BMP8A: variants seen among roughly 807,000 people sequenced by gnomAD.
BMP8A encodes the protein BMP-8A.
Under a neutral mutation model 36.8 loss-of-function variants are expected in BMP8A, and 14 were observed. The ratio of observed to expected loss-of-function variants is 0.38; its 90% CI spans 0.25 to 0.60. The LOEUF is 0.60. Ranked by LOEUF, BMP8A falls within the 20% of genes least tolerant of loss-of-function variation. BMP8A has a pLI of 0.63. For synonymous variants in BMP8A, 120 were observed against 237.7 expected (o/e 0.50, Z 4.55); for missense variants, 267 against 551.1 (o/e 0.48, Z 5.16).
intron 6 of BMP8A, chr1:39,523,420 A>G (rs1645450271): frequency 8.1e-6 from 9 of 1,106,678 alleles, no homozygotes; most frequent in Non-Finnish European, 8.6e-6. Flanking sequence ...TGCGGCGCTC[A>G]GAGGCACAGC....
intron 1 of BMP8A, among the ~76,000 whole-genome samples, chr1:39,501,218 G>T (rs1488836432): frequency 1.3e-5 from 2 of 152,136 alleles, no homozygotes; most frequent in Non-Finnish European, 1.5e-5. Flanking sequence ...TCTGTGAGTG[G>T]TTCATCCCCA....
intron 1 of BMP8A, among the ~76,000 whole-genome samples, chr1:39,507,772 C>T (rs1369681839): frequency 6.6e-6 from 1 of 152,182 alleles, no homozygotes; most frequent in Non-Finnish European, 1.5e-5. Flanking sequence ...TAACCAAGTA[C>T]TGACTACCGT....
rs1432122869 is a variant in BMP8A, at chr1:39,492,054, C to T, written c.63C>T (p.Gly21=). 8 of 1,099,878 alleles carry T rather than the reference C, an allele frequency of 7.3e-6. No homozygotes were observed. The highest frequency in any genetic ancestry group is 1.0e-4 in the Admixed American group (2 of 19,372). The allele number at this position is 1,099,878 out of a possible 1,614,324, so 68.1% of individuals were successfully genotyped here. A position where few individuals can be genotyped will look rare whatever the true frequency, so the allele number is the denominator to read the frequency against. ...LGLTLCALGG[G]GPGLRPPPGC... ...TGACGTTGTGCGCGCTGGGCGGGGG[C>T]GGCCCCGGCCTGCGACCCCCGCCCG... The change falls in exon 1 of 7, where the codon GGC becomes GGT. Residue 21 remains glycine, a synonymous_variant. Coordinates refer to ENST00000331593, the MANE Select transcript of BMP8A (RefSeq NM_181809.4).
intron 1 of BMP8A, among the ~76,000 whole-genome samples, chr1:39,506,233 G>A (rs552853033): frequency 6.6e-6 from 1 of 151,556 alleles, no homozygotes; most frequent in Non-Finnish European, 1.5e-5. Flanking sequence ...TTTTTGAAAC[G>A]GAGTCTCACT....
chr1:39,499,674 A>G (rs539775447), intron 1 of BMP8A, among the ~76,000 whole-genome samples: 13 of 152,312 alleles, frequency 8.5e-5, no homozygotes, highest in Admixed American at 7.2e-4. Context: ...AGGTTGCCTT[A>G]TCCGAGGCTG....
chr1:39,514,902 C>A, intron 3 of BMP8A: 1 of 1,423,432 alleles, frequency 7.0e-7, no homozygotes, highest in Admixed American at 3.2e-5. Context: ...ACGCGCGGCC[C>A]GAGGCGCACG....
At chr1:39,498,416 T>C (rs944468619) in intron 1 of BMP8A, among the ~76,000 whole-genome samples, 2 of 152,254 alleles carry the variant, frequency 1.3e-5, no homozygotes, top group Non-Finnish European at 1.5e-5. Flanking sequence ...CTGGGATCTA[T>C]TCTTGGCCTT....
intron 1 of BMP8A, among the ~76,000 whole-genome samples, chr1:39,509,808 T>C (rs58579331): frequency 0.047 from 7,123 of 151,932 alleles, 534 homozygotes; most frequent in African/African-American, 0.16. Flanking sequence ...AATCTCAGTG[T>C]TGGGTTTTGG....
chr1:39,523,024 C>G lies in BMP8A; in HGVS notation c.966C>G (p.Pro322=), dbSNP rs771412994. 1.9e-5 allele frequency: 31 copies of G among 1,612,328 alleles called. No individual in the cohort carries two copies. Among genetic ancestry groups the G allele is most frequent in the South Asian group, 7.7e-5 (7 of 90,910 alleles). Residue 322 remains proline (P), a synonymous_variant, in exon 6 of 7, where the codon CCC becomes CCG. Coordinates refer to ENST00000331593, the MANE Select transcript of BMP8A (RefSeq NM_181809.4). The part of the protein sequence containing the change: ...DLGWLDWVIA[P]QGYSAYYCEG... Reference sequence around the variant, plus strand: ...CCCCCCAGGACTGGGTCATCGCCCCCCAAGGCTACTCAGCCTATTACTGTG... The same window carrying G: ...CCCCCCAGGACTGGGTCATCGCCCCGCAAGGCTACTCAGCCTATTACTGTG...
chr1:39,494,299 T>C (rs1645186119), intron 1 of BMP8A, among the ~76,000 whole-genome samples: 1 of 152,102 alleles, frequency 6.6e-6, no homozygotes, highest in Non-Finnish European at 1.5e-5. Context: ...ATGTGAACTT[T>C]TTCTTTTCTT....
chr1:39,504,350 G>A (rs1645280158), intron 1 of BMP8A, among the ~76,000 whole-genome samples: 1 of 152,252 alleles, frequency 6.6e-6, no homozygotes, highest in African/African-American at 2.4e-5. Flanking sequence ...CGAGGGGGAT[G>A]TGGCAGGACT....
At position 39,523,126 on chromosome 1, in the gene BMP8A, C is replaced by T. The variant is rs776386239; in HGVS notation, c.1059+9C>T. 5.0e-6 allele frequency: 8 copies of T among 1,612,998 alleles called. No homozygotes were observed. The African/African-American group carries it at 5.3e-5, about 11-fold the overall frequency. ...CCATCCTGCAGTCCCTGGTCAGTAC[C>T]GTGCCCATCCTGCCCAGCCCCCTGG... On this transcript the variant is annotated intron_variant, in intron 6 of 6. Transcript: ENST00000331593.
chr1:39,496,004 C>T (rs1216622736), intron 1 of BMP8A, among the ~76,000 whole-genome samples: 1 of 151,102 alleles, frequency 6.6e-6, no homozygotes, highest in Admixed American at 6.6e-5. Context: ...TGAACAGAGC[C>T]GTCTGGATTT....
chr1:39,495,587 G>A (rs1172520278), intron 1 of BMP8A, among the ~76,000 whole-genome samples: 1 of 143,450 alleles, frequency 7.0e-6, no homozygotes, highest in East Asian at 2.0e-4. Context: ...CCTGAGCCAC[G>A]GCCCTTCCCT....
chr1:39,494,352 C>CA (rs1159913334), intron 1 of BMP8A, among the ~76,000 whole-genome samples: 1 of 118,364 alleles, frequency 8.4e-6, no homozygotes, highest in East Asian at 2.2e-4. Context: ...TTTCTTTTTT[C>CA]TTTTTTTTTT....
rs1490651405 is a variant in BMP8A, at chr1:39,527,528, C to T, written c.*1730C>T. Among the ~76,000 whole-genome samples, 1 of 152,216 alleles carries T rather than the reference C, an allele frequency of 6.6e-6. No homozygotes were observed. Among genetic ancestry groups the T allele is most frequent in the Non-Finnish European group, 1.5e-5 (1 of 68,034 alleles). On this transcript the variant is annotated 3_prime_UTR_variant, in exon 7 of 7. Coordinates refer to ENST00000331593, the MANE Select transcript of BMP8A (RefSeq NM_181809.4). ...CCCCCAGGGAGGGGCCTGGGGAGAG[C>T]TGGTCCAGCAGCAGGGGTGGAGGCT...
Position 39,527,714 on chromosome 1 carries a change from A to AC in BMP8A, c.*1916_*1917insC, listed in dbSNP as rs1417353138. Among the ~76,000 whole-genome samples, 2 of 152,250 alleles carry AC rather than the reference A, an allele frequency of 1.3e-5. No homozygotes were observed. The highest frequency in any genetic ancestry group is 4.8e-5 in the African/African-American group (2 of 41,474). ...GTCTAAGGCTTCAAGCTCAGCTAGC[A>AC]GAGATTGGAAGAGGCAATGGCCTGA... On this transcript the variant is annotated 3_prime_UTR_variant, in exon 7 of 7. Coordinates refer to ENST00000331593, the MANE Select transcript of BMP8A (RefSeq NM_181809.4).
rs1645506160 is a variant in BMP8A, at chr1:39,528,659, G to C, written c.*2861G>C. Among the ~76,000 whole-genome samples, 1 of 151,150 alleles carries C rather than the reference G, an allele frequency of 6.6e-6. No homozygotes were observed. Among genetic ancestry groups the C allele is most frequent in the Admixed American group, 6.6e-5 (1 of 15,216 alleles). ...GGAGGCTGTGAAAAGGAGAGGGCAG[G>C]TTTTGGAGCCAAGTCGACCTGGCAT... On this transcript the variant is annotated 3_prime_UTR_variant, in exon 7 of 7. Transcript: ENST00000331593.
At chr1:39,500,632 CAAAA>C (rs34380723) in intron 1 of BMP8A, among the ~76,000 whole-genome samples, 7 of 102,254 alleles carry the variant, frequency 6.8e-5, no homozygotes, top group South Asian at 3.2e-4. Flanking sequence ...GAGTAATTTA[CAAAA>C]AAAAAAAAAA....
Sources: allele counts gnomAD v4.1 joint callset (sites outside exome capture counted in the v4.1 genomes callset), GRCh38; gene constraint gnomAD v4.1.1; transcripts MANE v1.5; gene names NCBI Gene and HGNC (gene_info 2026-07-23, HGNC 2026-07-21).